Variants in NKAIN3 observed in about 807,000 individuals in gnomAD.
NKAIN3 encodes sodium/potassium transporting ATPase interacting 3, also known as sodium/potassium-transporting ATPase subunit beta-1-interacting protein 3.
A neutral mutation model predicts 30.2 loss-of-function variants in NKAIN3; 25 were observed. The ratio of observed to expected loss-of-function variants is 0.83; its 90% CI spans 0.60 to 1.16. The LOEUF is 1.16. Ranked by LOEUF, NKAIN3 falls within the 50% of genes most tolerant of loss-of-function variation. NKAIN3 has a pLI of 0.00. For synonymous variants in NKAIN3, 91 were observed against 89.6 expected (o/e 1.02, Z -0.09); for missense variants, 225 against 254.1 (o/e 0.89, Z 0.78).
At chr8:62,871,097 A>C (rs2130802052) in intron 4 of NKAIN3, among the ~76,000 whole-genome samples, 1 of 152,144 alleles carries the variant, frequency 6.6e-6, no homozygotes, top group East Asian at 1.9e-4. Flanking sequence ...TGACTGACAC[A>C]CTCAAGCTAT....
At chr8:62,750,316 G>T (rs2130592035) in intron 4 of NKAIN3, among the ~76,000 whole-genome samples, 1 of 152,182 alleles carries the variant, frequency 6.6e-6, no homozygotes, top group Admixed American at 6.5e-5. Flanking sequence ...TTTGACCACC[G>T]ACACATCTCC....
intron 3 of NKAIN3, among the ~76,000 whole-genome samples, chr8:62,660,410 C>G (rs146049672): frequency 6.6e-6 from 1 of 151,844 alleles, no homozygotes; most frequent in Non-Finnish European, 1.5e-5. Context: ...ATGAGGTATC[C>G]ATGTGTGAAT....
intron 5 of NKAIN3, among the ~76,000 whole-genome samples, chr8:62,926,668 C>T (rs576839391): frequency 5.6e-4 from 86 of 152,230 alleles, no homozygotes; most frequent in African/African-American, 1.9e-3. Context: ...TGACCGCCGG[C>T]GGCTTTTTCC....
chr8:62,948,171 C>T (rs1394726722), intron 5 of NKAIN3, among the ~76,000 whole-genome samples: 1 of 151,802 alleles, frequency 6.6e-6, no homozygotes, highest in African/African-American at 2.4e-5. Context: ...GAGAGTTTTA[C>T]CTATATCTGT....
intron 1 of NKAIN3, among the ~76,000 whole-genome samples, chr8:62,529,970 G>A (rs1209898676): frequency 6.6e-6 from 1 of 152,142 alleles, no homozygotes; most frequent in African/African-American, 2.4e-5. Flanking sequence ...ATTTCTCCTG[G>A]CTCGGCTATC....
intron 1 of NKAIN3, among the ~76,000 whole-genome samples, chr8:62,552,214 T>A (rs1585937182): frequency 6.6e-6 from 1 of 152,210 alleles, no homozygotes; most frequent in African/African-American, 2.4e-5. Flanking sequence ...TCATTTCTCA[T>A]TTATTTTAAG....
chr8:62,752,329 C>T (rs767979801), intron 4 of NKAIN3, among the ~76,000 whole-genome samples: 3 of 152,128 alleles, frequency 2.0e-5, no homozygotes, highest in African/African-American at 4.8e-5. Flanking sequence ...TAGGCTGGTC[C>T]GTCTTTTGAA....
At chr8:62,937,949 A>C (rs1822838042) in intron 5 of NKAIN3, among the ~76,000 whole-genome samples, 1 of 152,000 alleles carries the variant, frequency 6.6e-6, no homozygotes, top group Non-Finnish European at 1.5e-5. Context: ...CTACCCTGGC[A>C]ACCTGTATGA....
chr8:62,990,307 C>A, intron 5 of NKAIN3: 1 of 1,416,166 alleles, frequency 7.1e-7, no homozygotes, highest in Non-Finnish European at 9.3e-7. Flanking sequence ...TGAGGTGATG[C>A]ATTATTTTAG....
Position 62,340,071 on chromosome 8 carries a change from T to C in NKAIN3, c.54+90944T>C, listed in dbSNP as rs529405982. On this transcript the variant is annotated intron_variant, in intron 1 of 6. Coordinates refer to ENST00000623646, the MANE Select transcript of NKAIN3 (RefSeq NM_001304533.3). ...AAGACAGATTAATAAGAAAAGAGTA[T>C]AACAAATTTATTTAACAAAGTTTTA... Among the ~76,000 whole-genome samples, 4 of 152,186 alleles carry C rather than the reference T, an allele frequency of 2.6e-5. No homozygotes were observed. In the East Asian group the frequency reaches 7.8e-4, roughly 30 times the overall value.
At chr8:62,639,863 A>G (rs1812253313) in intron 3 of NKAIN3, among the ~76,000 whole-genome samples, 1 of 152,024 alleles carries the variant, frequency 6.6e-6, no homozygotes, top group Non-Finnish European at 1.5e-5. Context: ...GATGAGGAAA[A>G]GAGCTTTTGG....
At chr8:62,656,522 T>A (rs1481359464) in intron 3 of NKAIN3, among the ~76,000 whole-genome samples, 1 of 152,084 alleles carries the variant, frequency 6.6e-6, no homozygotes, top group East Asian at 1.9e-4. Flanking sequence ...GTCCATAGCA[T>A]TAGAGAATCT....
chr8:62,987,595 A>C (rs1824228941), downstream of NKAIN3, among the ~76,000 whole-genome samples: 1 of 152,128 alleles, frequency 6.6e-6, no homozygotes, highest in African/African-American at 2.4e-5. Context: ...AGATATCATG[A>C]GACTAATTTA....
At chr8:62,785,389 A>T (rs772638407) in intron 4 of NKAIN3, among the ~76,000 whole-genome samples, 1 of 152,168 alleles carries the variant, frequency 6.6e-6, no homozygotes, top group Non-Finnish European at 1.5e-5. Flanking sequence ...AGAGACAGAA[A>T]GTAGATCAGT....
At chr8:62,419,309 G>A (rs922591071) in intron 1 of NKAIN3, among the ~76,000 whole-genome samples, 6 of 152,098 alleles carry the variant, frequency 3.9e-5, no homozygotes, top group South Asian at 2.1e-4. Flanking sequence ...TTCCTTTGCC[G>A]TAAATTATGT....
intron 4 of NKAIN3, among the ~76,000 whole-genome samples, chr8:62,821,032 A>G (rs1818833534): frequency 6.6e-6 from 1 of 152,168 alleles, no homozygotes; most frequent in Non-Finnish European, 1.5e-5. Context: ...GACAGTTGCA[A>G]AATTCAAAGC....
chr8:62,599,655 T>G (rs1026183642), intron 3 of NKAIN3, among the ~76,000 whole-genome samples: 4 of 152,088 alleles, frequency 2.6e-5, no homozygotes, highest in African/African-American at 9.7e-5. Context: ...ATTGTAGGAC[T>G]GAGTGACTCG....
intron 1 of NKAIN3, among the ~76,000 whole-genome samples, chr8:62,338,128 A>T (rs1815627656): frequency 6.6e-6 from 1 of 152,080 alleles, no homozygotes; most frequent in African/African-American, 2.4e-5. Context: ...AGTTTGAAGT[A>T]GCCATAAAAC....
chr8:62,952,806 G>T (rs1384506282), intron 5 of NKAIN3, among the ~76,000 whole-genome samples: 1 of 152,126 alleles, frequency 6.6e-6, no homozygotes, highest in African/African-American at 2.4e-5. Flanking sequence ...TGTTGCACAA[G>T]AATTGATTTT....
Sources: gnomAD v4.1 joint callset for allele counts (sites outside exome capture counted in the v4.1 genomes callset) on GRCh38, gnomAD v4.1.1 for gene constraint, MANE v1.5 for transcripts, NCBI Gene and HGNC (gene_info 2026-07-23, HGNC 2026-07-21) for gene names.